The following TAFA2 variants were observed in gnomAD, a reference collection of about 807,000 sequenced individuals.
The protein encoded by TAFA2 is chemokine-like protein TAFA-2.
TAFA2 carries 7 observed loss-of-function variants against 18.8 expected under a neutral mutation model. The observed-to-expected ratio is 0.37, with a 90% CI of 0.21 to 0.70. The LOEUF (loss-of-function observed/expected upper bound fraction) is 0.70, where lower values mean the gene tolerates loss of function less well. Among genes scored for constraint, TAFA2 ranks in the 30% least tolerant of loss-of-function variants. The pLI is 0.53. For missense variants in TAFA2, 122 were observed against 158.1 expected, an observed-to-expected ratio of 0.77 and a Z score of 1.23; for synonymous variants, 60 against 54.2, an observed-to-expected ratio of 1.11 and a Z score of -0.47.
intron 1 of TAFA2, among the ~76,000 whole-genome samples, chr12:62,251,517 G>A (rs997310293): frequency 4.6e-5 from 7 of 152,312 alleles, no homozygotes; most frequent in African/African-American, 1.7e-4. Context: ...ACCAAAACAA[G>A]GGTGTGGTGC....
intron 1 of TAFA2, among the ~76,000 whole-genome samples, chr12:62,012,796 A>G (rs2136716152): frequency 6.6e-6 from 1 of 152,314 alleles, no homozygotes; most frequent in South Asian, 2.1e-4. Flanking sequence ...CTCAGAAGAA[A>G]AAAAATAAAA....
chr12:62,144,286 T>C (rs1565759079), intron 1 of TAFA2, among the ~76,000 whole-genome samples: 2 of 152,106 alleles, frequency 1.3e-5, no homozygotes, highest in South Asian at 2.1e-4. Flanking sequence ...TAGGTTAGTG[T>C]TGAATATCAC....
intron 1 of TAFA2, among the ~76,000 whole-genome samples, chr12:61,936,320 A>C (rs1449876136): frequency 2.6e-5 from 4 of 152,178 alleles, no homozygotes; most frequent in Non-Finnish European, 5.9e-5. Context: ...TAATCCCAGC[A>C]CTTTGGGAGG....
At chr12:61,717,758 G>C (rs1869725398) in intron 4 of TAFA2, among the ~76,000 whole-genome samples, 1 of 152,124 alleles carries the variant, frequency 6.6e-6, no homozygotes, top group Admixed American at 6.6e-5. Context: ...GAAAGAAACA[G>C]AATACCAGAT....
At chr12:62,163,776 T>C (rs981462808) in intron 1 of TAFA2, among the ~76,000 whole-genome samples, 2 of 152,114 alleles carry the variant, frequency 1.3e-5, no homozygotes, top group African/African-American at 4.8e-5. Context: ...AATCCCTCAT[T>C]GGTTTATCCT....
chr12:61,853,008 T>C (rs990010321), intron 2 of TAFA2, among the ~76,000 whole-genome samples: 2 of 152,214 alleles, frequency 1.3e-5, no homozygotes, highest in Admixed American at 6.5e-5. Context: ...TAGCAATGTA[T>C]TTTATACTTG....
intron 2 of TAFA2, among the ~76,000 whole-genome samples, chr12:61,844,799 A>G (rs12318980): frequency 0.023 from 3,455 of 152,264 alleles, 143 homozygotes; most frequent in African/African-American, 0.079. Context: ...GTGAGGCATC[A>G]CTAGCTGTTT....
intron 2 of TAFA2, among the ~76,000 whole-genome samples, chr12:61,787,503 A>G (rs1870787812): frequency 6.6e-6 from 1 of 151,728 alleles, no homozygotes; most frequent in Admixed American, 6.6e-5. Flanking sequence ...TGCAGCTACA[A>G]TTAGTTGTTA....
intron 2 of TAFA2, among the ~76,000 whole-genome samples, chr12:61,787,695 A>G (rs774272380): frequency 4.6e-5 from 7 of 151,624 alleles, no homozygotes; most frequent in Non-Finnish European, 8.9e-5. Flanking sequence ...TAGACATACC[A>G]ACAGACACAC....
At chr12:62,232,862 G>T (rs1797177014) in intron 1 of TAFA2, among the ~76,000 whole-genome samples, 2 of 152,004 alleles carry the variant, frequency 1.3e-5, no homozygotes, top group Admixed American at 1.3e-4. Context: ...TACTAGGAAA[G>T]ACTTAGCCAC....
intron 2 of TAFA2, among the ~76,000 whole-genome samples, chr12:61,794,320 A>T (rs2120936971): frequency 6.6e-6 from 1 of 152,180 alleles, no homozygotes; most frequent in African/African-American, 2.4e-5. Flanking sequence ...ACAAAAAGAT[A>T]TTAGAATTAA....
chr12:61,927,317 C>A (rs1877347049), intron 1 of TAFA2, among the ~76,000 whole-genome samples: 1 of 152,134 alleles, frequency 6.6e-6, no homozygotes, highest in Non-Finnish European at 1.5e-5. Context: ...TCAGCAAAGT[C>A]TCAGGATACA....
chr12:62,044,029 T>C (rs1371894927), intron 1 of TAFA2, among the ~76,000 whole-genome samples: 4 of 152,100 alleles, frequency 2.6e-5, no homozygotes, highest in Admixed American at 2.6e-4. Context: ...GGCTTGCAAG[T>C]GTTCTACACA....
intron 1 of TAFA2, among the ~76,000 whole-genome samples, chr12:62,115,743 C>T (rs184669850): frequency 6.6e-6 from 1 of 152,116 alleles, no homozygotes; most frequent in Non-Finnish European, 1.5e-5. Context: ...GAATCTGATT[C>T]GCAAACTCTA....
intron 2 of TAFA2, among the ~76,000 whole-genome samples, chr12:61,845,712 C>G (rs902556293): frequency 6.6e-6 from 1 of 152,132 alleles, no homozygotes; most frequent in African/African-American, 2.4e-5. Flanking sequence ...TTTGGACTTA[C>G]AGCCACATAT....
intron 1 of TAFA2, among the ~76,000 whole-genome samples, chr12:62,001,532 A>G (rs1377301675): frequency 2.6e-5 from 4 of 152,128 alleles, no homozygotes; most frequent in Admixed American, 2.6e-4. Context: ...GGAGTGCACA[A>G]CTTAGATCCC....
At chr12:62,015,986 G>T (rs982666259) in intron 1 of TAFA2, among the ~76,000 whole-genome samples, 2 of 152,162 alleles carry the variant, frequency 1.3e-5, no homozygotes, top group Middle Eastern at 3.2e-3. Flanking sequence ...GTTGCACAAC[G>T]TTAATAGATG....
intron 4 of TAFA2, among the ~76,000 whole-genome samples, chr12:61,727,228 TG>T (rs1454129569): frequency 6.6e-6 from 1 of 152,018 alleles, no homozygotes; most frequent in Non-Finnish European, 1.5e-5. Flanking sequence ...AAGGTGATAC[TG>T]GCTTGATAGA....
chr12:62,027,049 C>T (rs1314064415), intron 1 of TAFA2, among the ~76,000 whole-genome samples: 1 of 152,102 alleles, frequency 6.6e-6, no homozygotes, highest in Non-Finnish European at 1.5e-5. Context: ...TATATAAAAG[C>T]ACTATTTCTA....
Sources: gnomAD v4.1 joint callset for allele counts (sites outside exome capture counted in the v4.1 genomes callset) on GRCh38, gnomAD v4.1.1 for gene constraint, MANE v1.5 for transcripts, NCBI Gene and HGNC (gene_info 2026-07-23, HGNC 2026-07-21) for gene names.